Variants in MAP3K20 observed in about 807,000 individuals in gnomAD.
MAP3K20 encodes HCCS-4.
In MAP3K20, 40 loss-of-function variants were observed where a neutral mutation model predicts 85.7. That is an observed-to-expected ratio of 0.47 (90% CI 0.36 to 0.61). MAP3K20 has a LOEUF of 0.61. Among genes scored for constraint, MAP3K20 ranks in the 20% least tolerant of loss-of-function variants. MAP3K20 has a pLI of 0.00. For missense variants in MAP3K20, 817 were observed against 961.7 expected (o/e 0.85, Z 1.99); for synonymous variants, 325 against 327.7 (o/e 0.99, Z 0.09).
chr2:173,204,375 G>A (rs1683594721), intron 9 of MAP3K20, among the ~76,000 whole-genome samples: 1 of 152,186 alleles, frequency 6.6e-6, no homozygotes, highest in African/African-American at 2.4e-5. Flanking sequence ...AACTAGGTCT[G>A]GCACAGTCCC....
intron 9 of MAP3K20, among the ~76,000 whole-genome samples, chr2:173,208,241 A>C (rs1230830936): frequency 6.6e-6 from 1 of 151,988 alleles, no homozygotes; most frequent in Non-Finnish European, 1.5e-5. Context: ...TGTATAAAAA[A>C]CTAAAAAATT....
chr2:173,195,794 A>T (rs771893154), intron 7 of MAP3K20, among the ~76,000 whole-genome samples: 4 of 152,078 alleles, frequency 2.6e-5, no homozygotes, highest in Non-Finnish European at 5.9e-5. Context: ...GCAGCTAATG[A>T]CCCCACCTCA....
chr2:173,127,875 C>A (rs1242511722), intron 2 of MAP3K20, among the ~76,000 whole-genome samples: 1 of 152,178 alleles, frequency 6.6e-6, no homozygotes, highest in Non-Finnish European at 1.5e-5. Flanking sequence ...ATAGGTAACA[C>A]CCCAGTGGGT....
rs1683576990 is a variant in MAP3K20 at position 173,203,894 on chromosome 2, T to C, written c.744+24T>C. The C allele has an allele frequency of 2.5e-6, 4 of 1,601,630 alleles. No individual in the cohort carries two copies. The South Asian group carries it at 4.4e-5, about 18-fold the overall frequency. On this transcript the variant is annotated intron_variant, in intron 9 of 19. Transcript: ENST00000375213. ...AGGTATACATATGTATTTTTGTTAT[T>C]GTTTAGAATTCTGAAATTTCTCTTG...
intron 5 of MAP3K20, among the ~76,000 whole-genome samples, chr2:173,188,111 A>G (rs1283634647): frequency 6.6e-6 from 1 of 152,206 alleles, no homozygotes; most frequent in Admixed American, 6.5e-5. Flanking sequence ...AGTAGTGCCC[A>G]GAAATGAGCC....
chr2:173,109,823 C>T (rs1427942436), intron 2 of MAP3K20, among the ~76,000 whole-genome samples: 2 of 152,134 alleles, frequency 1.3e-5, no homozygotes, highest in Non-Finnish European at 2.9e-5. Context: ...AGAATTCTTT[C>T]AATTCACATA....
intron 3 of MAP3K20, among the ~76,000 whole-genome samples, chr2:173,176,665 G>T (rs1176976635): frequency 6.6e-6 from 1 of 152,104 alleles, no homozygotes; most frequent in African/African-American, 2.4e-5. Context: ...GGGACATGAA[G>T]AAAACATGGC....
intron 2 of MAP3K20, among the ~76,000 whole-genome samples, chr2:173,106,768 A>G (rs1166854744): frequency 6.6e-6 from 1 of 152,180 alleles, no homozygotes; most frequent in Non-Finnish European, 1.5e-5. Flanking sequence ...CATAAGGTAT[A>G]GGAACAGGTA....
At chr2:173,077,589 C>A (rs115716462) in intron 1 of MAP3K20, among the ~76,000 whole-genome samples, 2,328 of 152,100 alleles carry the variant, frequency 0.015, 59 homozygotes, top group African/African-American at 0.053. Context: ...CAATTTAATT[C>A]CTACTATAAC....
chr2:173,190,783 C>A, intron 5 of MAP3K20, 112 bp from the exon 6 acceptor site: 2 of 1,033,910 alleles, frequency 1.9e-6, no homozygotes, highest in Non-Finnish European at 1.4e-6. Flanking sequence ...TTGATTTCAC[C>A]TTTCATAATC....
intron 2 of MAP3K20, among the ~76,000 whole-genome samples, chr2:173,132,939 TC>T (rs1688659217): frequency 6.6e-6 from 1 of 152,220 alleles, no homozygotes; most frequent in Non-Finnish European, 1.5e-5. Flanking sequence ...CTTTTCCACT[TC>T]CATGCCCTCA....
intron 16 of MAP3K20, among the ~76,000 whole-genome samples, chr2:173,240,659 T>C (rs1282228739): frequency 6.6e-6 from 1 of 152,144 alleles, no homozygotes; most frequent in Non-Finnish European, 1.5e-5. Context: ...TAGAATGGCT[T>C]ATATCCAAAA....
intron 11 of MAP3K20, chr2:173,222,273 G>A (rs1039514776): frequency 1.0e-6 from 1 of 985,796 alleles, no homozygotes; most frequent in Non-Finnish European, 1.2e-6. Flanking sequence ...ATCTAAGAAG[G>A]TTATAACAAA....
At chr2:173,143,683 CAA>C (rs1279490708) in intron 2 of MAP3K20, among the ~76,000 whole-genome samples, 2 of 151,910 alleles carry the variant, frequency 1.3e-5, no homozygotes, top group African/African-American at 2.4e-5. Context: ...TGCAGTAAGA[CAA>C]GAGAAAGAAA....
At chr2:173,222,830 G>A (rs1272682652) in intron 11 of MAP3K20, 1 of 985,220 alleles carries the variant, frequency 1.0e-6, no homozygotes, top group Non-Finnish European at 1.2e-6. Context: ...GGCTAGCCAA[G>A]GATATTCTCA....
At chr2:173,126,970 A>C (rs530174831) in intron 2 of MAP3K20, among the ~76,000 whole-genome samples, 1 of 152,352 alleles carries the variant, frequency 6.6e-6, no homozygotes, top group Admixed American at 6.5e-5. Flanking sequence ...TAGAATGGAC[A>C]TTTAAGTTCC....
At chr2:173,107,276 C>T (rs149408336) in intron 2 of MAP3K20, among the ~76,000 whole-genome samples, 1,688 of 152,206 alleles carry the variant, frequency 0.011, 20 homozygotes, top group Middle Eastern at 0.02. Flanking sequence ...GCAGCTATTG[C>T]GAGGGCTGCC....
chr2:173,083,407 G>A (rs1462405357), intron 1 of MAP3K20, among the ~76,000 whole-genome samples: 1 of 151,566 alleles, frequency 6.6e-6, no homozygotes, highest in African/African-American at 2.4e-5. Flanking sequence ...AGGCTGGAGT[G>A]CAGTGGCGTA....
At chr2:173,152,401 C>T (rs925091008) in intron 2 of MAP3K20, among the ~76,000 whole-genome samples, 1 of 152,142 alleles carries the variant, frequency 6.6e-6, no homozygotes, top group African/African-American at 2.4e-5. Context: ...ACCTGGAGAA[C>T]TCAGAATACA....
Sources: allele counts gnomAD v4.1 joint callset (sites outside exome capture counted in the v4.1 genomes callset), GRCh38; gene constraint gnomAD v4.1.1; transcripts MANE v1.5; gene names NCBI Gene and HGNC (gene_info 2026-07-23, HGNC 2026-07-21).